MAP3K13: variants seen among roughly 807,000 people sequenced by gnomAD.
The protein encoded by MAP3K13 is mitogen-activated protein kinase kinase kinase 13.
In MAP3K13, 52 loss-of-function variants were observed where a neutral mutation model predicts 104.0. The observed-to-expected ratio is 0.50, with a 90% CI of 0.40 to 0.63. MAP3K13 has a LOEUF of 0.63. Ranked by LOEUF, MAP3K13 falls within the 20% of genes least tolerant of loss-of-function variation. The pLI is 0.00. For missense variants in MAP3K13, 914 were observed against 1,218.5 expected (o/e 0.75, Z 3.72); for synonymous variants, 394 against 442.2 (o/e 0.89, Z 1.37).
In MAP3K13 at chr3:185,473,205, A is replaced by G. The variant is rs750094708; in HGVS notation, c.1874A>G (p.Gln625Arg). 8 of 1,614,156 alleles carry G rather than the reference A, an allele frequency of 5.0e-6. No individual in the cohort carries two copies. The highest frequency in any genetic ancestry group is 6.8e-6 in the Non-Finnish European group (8 of 1,180,028). The change falls in exon 11 of 14, where the codon CAA becomes CGA. Residue 625 changes from glutamine to arginine, a missense_variant. Transcript: ENST00000265026. This position sits in a 1 kb window ranked among gnomAD's most constrained non-coding sequence, Gnocchi z 4.9. The part of the protein sequence containing the change: ...SPHPTYLHQA[Q>R]SQYPSLHHHN... ...CATCCCACTTACCTGCACCAAGCTC[A>G]ATCCCAATACCCTTCTCTTCATCAC...
rs1301380209 is a variant in MAP3K13, at chr3:185,480,269, A to G, written c.2539A>G (p.Thr847Ala). The G allele has an allele frequency of 1.2e-6, 2 of 1,613,982 alleles. No homozygotes were observed. Among genetic ancestry groups the G allele is most frequent in the Non-Finnish European group, 1.7e-6 (2 of 1,180,016 alleles). The change falls in exon 13 of 14, where the codon ACC becomes GCC. Residue 847 changes from threonine to alanine, a missense_variant. By Grantham distance (58) the Thr-to-Ala change is moderately conservative. Coordinates refer to ENST00000265026, the MANE Select transcript of MAP3K13 (RefSeq NM_004721.5). ...TATCAGCAGCTGCCAGTCATATTCA[A>G]CCTTTAGCTCTGAGAATTTCTCTGT... ...RCISSCQSYSTFSSENFSVSD... is the reference protein window; with the variant it reads ...RCISSCQSYSAFSSENFSVSD...
At chr3:185,442,071 T>C (rs1577563101) in intron 3 of MAP3K13, among the ~76,000 whole-genome samples, 1 of 149,714 alleles carries the variant, frequency 6.7e-6, no homozygotes, top group Non-Finnish European at 1.5e-5. Flanking sequence ...CCTGGCGTGG[T>C]GGTGCACACC....
intron 1 of MAP3K13, among the ~76,000 whole-genome samples, chr3:185,427,478 T>C (rs1714494381): frequency 6.6e-6 from 1 of 152,186 alleles, no homozygotes; most frequent in Non-Finnish European, 1.5e-5. Context: ...GAAATGGTGC[T>C]AATGGACAGA....
rs549544428 is a variant in MAP3K13, at chr3:185,307,541, A to ACC, written c.-86+21902_-86+21903dup. On this transcript the variant is annotated intron_variant, in intron 2 of 14. Transcript: ENST00000424227. The stretch of plus-strand genomic sequence containing the variant: ...CTCTATAATTTCCATTTGGTGCACC[A>ACC]CCCCCTCCCCCGCCACCCCGAGATG... Among the ~76,000 whole-genome samples, 390 of 70,978 alleles carry ACC rather than the reference A, an allele frequency of 5.5e-3. 27 individuals carry two copies. The highest frequency in any genetic ancestry group is 7.5e-3 in the African/African-American group (121 of 16,154). 46.6% of individuals were successfully genotyped at this position (70,978 alleles called of 152,430 possible). A position where few individuals can be genotyped will look rare whatever the true frequency, so the allele number is the denominator to read the frequency against.
chr3:185,294,985 C>T (rs1214469633), intron 2 of MAP3K13, among the ~76,000 whole-genome samples: 1 of 151,932 alleles, frequency 6.6e-6, no homozygotes, highest in Non-Finnish European at 1.5e-5. Context: ...TGTATTTACT[C>T]CTCCCCCCTC....
intron 1 of MAP3K13, among the ~76,000 whole-genome samples, chr3:185,396,738 TGAGAGC>T (rs1712447124): frequency 6.6e-6 from 1 of 152,198 alleles, no homozygotes; most frequent in African/African-American, 2.4e-5. Context: ...CCCAAACAAA[TGAGAGC>T]TGACTGTGAT....
chr3:185,373,359 A>C (rs1258480355), intron 1 of MAP3K13, among the ~76,000 whole-genome samples: 2 of 152,150 alleles, frequency 1.3e-5, no homozygotes, highest in Non-Finnish European at 2.9e-5. Context: ...AAAACTACTC[A>C]ATGTTTTTCA....
intron 1 of MAP3K13, among the ~76,000 whole-genome samples, chr3:185,384,002 A>G (rs984378212): frequency 6.6e-6 from 1 of 152,160 alleles, no homozygotes; most frequent in African/African-American, 2.4e-5. Flanking sequence ...AATTGTTGTT[A>G]ACTATAGTCA....
intron 2 of MAP3K13, 84 bp from the exon 3 acceptor site, chr3:185,437,363 G>A (rs1013924938): frequency 3.8e-5 from 46 of 1,221,272 alleles, no homozygotes; most frequent in Non-Finnish European, 5.0e-5. Context: ...CCTGGGTGAC[G>A]ATGAAGTTGG....
At chr3:185,297,658 C>A (rs1267146850) in intron 2 of MAP3K13, among the ~76,000 whole-genome samples, 1 of 151,548 alleles carries the variant, frequency 6.6e-6, no homozygotes. Context: ...TCTCTTGAAC[C>A]CAGGAGGCGG....
intron 1 of MAP3K13, among the ~76,000 whole-genome samples, chr3:185,372,524 C>A (rs1256026191): frequency 6.6e-6 from 1 of 152,146 alleles, no homozygotes; most frequent in East Asian, 1.9e-4. Context: ...GTAATAATTT[C>A]TTTTCTCCAA....
chr3:185,363,177 A>C lies in MAP3K13; in HGVS notation c.-277A>C, dbSNP rs1404873171. ...CGAAGTCTGTGCGGAATCCTAAACC[A>C]GCCCAATTTACATCCATTCATGAAT... is the stretch of plus-strand genomic sequence containing the variant. On this transcript the variant is annotated 5_prime_UTR_variant, in exon 1 of 14. Coordinates refer to ENST00000265026, the MANE Select transcript of MAP3K13 (RefSeq NM_004721.5). The C allele has an allele frequency of 2.0e-6, 2 of 984,836 alleles. No homozygotes were observed. The highest frequency in any genetic ancestry group is 1.8e-5 in the African/African-American group (1 of 57,022). The allele number at this position is 984,836 out of a possible 1,614,324, so 61.0% of individuals were successfully genotyped here.
intron 1 of MAP3K13, among the ~76,000 whole-genome samples, chr3:185,414,989 T>G (rs939625110): frequency 3.9e-5 from 6 of 152,082 alleles, no homozygotes; most frequent in African/African-American, 1.2e-4. Context: ...CTGGGCAATA[T>G]AGTGAGATCC....
intron 2 of MAP3K13, among the ~76,000 whole-genome samples, chr3:185,356,820 G>C (rs865942833): frequency 6.6e-6 from 1 of 152,180 alleles, no homozygotes; most frequent in Non-Finnish European, 1.5e-5. Context: ...AAAAGTGGGG[G>C]AGAGATATTT....
chr3:185,372,235 A>T (rs1577475833), intron 1 of MAP3K13, among the ~76,000 whole-genome samples: 1 of 152,288 alleles, frequency 6.6e-6, no homozygotes, highest in East Asian at 1.9e-4. Context: ...GGAAATACTC[A>T]CCTGATGTTA....
intron 2 of MAP3K13, among the ~76,000 whole-genome samples, chr3:185,313,197 A>G (rs1721552557): frequency 1.3e-5 from 2 of 152,006 alleles, no homozygotes; most frequent in South Asian, 4.1e-4. Flanking sequence ...TCAAAAAAAA[A>G]AAGGGGAAAA....
intron 2 of MAP3K13, among the ~76,000 whole-genome samples, chr3:185,433,558 GA>G (rs1714865600): frequency 6.6e-6 from 1 of 152,192 alleles, no homozygotes; most frequent in Non-Finnish European, 1.5e-5. Context: ...ACTGGTCAAA[GA>G]GTGCTAAATT....
intron 1 of MAP3K13, among the ~76,000 whole-genome samples, chr3:185,409,960 T>C (rs1253104630): frequency 2.0e-5 from 3 of 152,158 alleles, no homozygotes; most frequent in Non-Finnish European, 4.4e-5. Context: ...AGGATGAAAC[T>C]GTCCCACCTC....
chr3:185,382,040 A>G (rs1724749310), intron 1 of MAP3K13, among the ~76,000 whole-genome samples: 1 of 152,222 alleles, frequency 6.6e-6, no homozygotes, highest in Non-Finnish European at 1.5e-5. Flanking sequence ...CTATCCAATA[A>G]TATAAAAAAT....
Sources: gnomAD v4.1 joint callset for allele counts (sites outside exome capture counted in the v4.1 genomes callset) on GRCh38, gnomAD v4.1.1 for gene constraint, Gnocchi (gnomAD v3.1) non-coding constraint, MANE v1.5 for transcripts, NCBI Gene and HGNC (gene_info 2026-07-23, HGNC 2026-07-21) for gene names.